The following SIPA1L1 variants were observed in gnomAD, a reference collection of about 807,000 sequenced individuals.
SIPA1L1 encodes the protein signal induced proliferation associated 1 like 1.
SIPA1L1 carries 26 observed loss-of-function variants against 162.7 expected under a neutral mutation model. The observed-to-expected ratio is 0.16, with a 90% CI of 0.12 to 0.22. The LOEUF (loss-of-function observed/expected upper bound fraction) is 0.22, where lower values mean the gene tolerates loss of function less well. SIPA1L1 is among the 10% of genes least tolerant of loss of function. SIPA1L1 has a pLI of 1.00. For missense variants in SIPA1L1, 1,874 were observed against 2,241.0 expected, an observed-to-expected ratio of 0.84 and a Z score of 3.31; for synonymous variants, 829 against 837.4, an observed-to-expected ratio of 0.99 and a Z score of 0.17.
intron 4 of SIPA1L1, among the ~76,000 whole-genome samples, chr14:71,567,976 T>A (rs1241478478): frequency 2.0e-5 from 3 of 152,224 alleles, no homozygotes; most frequent in Non-Finnish European, 4.4e-5. Flanking sequence ...AGCATGCTAA[T>A]GTATTATAAT....
intron 2 of SIPA1L1, among the ~76,000 whole-genome samples, chr14:71,342,340 C>G (rs1355378535): frequency 6.6e-6 from 1 of 152,094 alleles, no homozygotes. Flanking sequence ...TGGGTATATA[C>G]CTAGTAGTGG....
intron 2 of SIPA1L1, among the ~76,000 whole-genome samples, chr14:71,456,970 C>T (rs2046228971): frequency 6.6e-6 from 1 of 152,176 alleles, no homozygotes. Context: ...AAATTGAGGA[C>T]AAGGCCTTGC....
At chr14:71,590,042 AAAATATATATATATATAT>A (rs1169726741) in intron 5 of SIPA1L1, among the ~76,000 whole-genome samples, 1 of 61,546 alleles carries the variant, frequency 1.6e-5, no homozygotes, top group Non-Finnish European at 2.9e-5. Context: ...AAAAAAAAAA[AAAATATATATATATATAT>A]ATATATATAT....
chr14:71,643,789 A>G (rs2041926264), intron 7 of SIPA1L1, among the ~76,000 whole-genome samples: 1 of 152,206 alleles, frequency 6.6e-6, no homozygotes. Flanking sequence ...CCAAAACTCA[A>G]CAAGTGGTAG....
chr14:71,635,783 A>G (rs1235816951), intron 7 of SIPA1L1, among the ~76,000 whole-genome samples: 1 of 152,234 alleles, frequency 6.6e-6, no homozygotes, highest in African/African-American at 2.4e-5. Flanking sequence ...TAAAGGACAG[A>G]GATTGGTAGA....
intron 7 of SIPA1L1, among the ~76,000 whole-genome samples, chr14:71,625,306 T>C (rs185535949): frequency 6.6e-6 from 1 of 151,930 alleles, no homozygotes; most frequent in Non-Finnish European, 1.5e-5. Flanking sequence ...TCTTCTCTTT[T>C]TTTTTTTTTT....
At chr14:71,734,049 C>T (rs987621489) in intron 21 of SIPA1L1, among the ~76,000 whole-genome samples, 2 of 152,238 alleles carry the variant, frequency 1.3e-5, no homozygotes, top group Non-Finnish European at 2.9e-5. Flanking sequence ...TGCCTCGCCT[C>T]CTCCGTATAT....
Position 71,588,572 on chromosome 14 carries a change from T to C in SIPA1L1, c.700T>C (p.Ser234Pro). The change falls in exon 5 of 24, where the codon TCT becomes CCT. Residue 234 changes from serine (S) to proline (P), a missense_variant. Coordinates refer to ENST00000381232, the MANE Select transcript of SIPA1L1 (RefSeq NM_001386936.1). The surrounding 1 kb of genome is among the most constrained non-coding windows in gnomAD (Gnocchi z 4.3). ...DLLKGYKDDK[S>P]DRGPTPTKLS... The stretch of plus-strand genomic sequence containing the variant: ...GTTAAAGGGCTACAAAGATGACAAA[T>C]CTGATCGAGGTCCAACTCCAACCAA... The C allele has an allele frequency of 6.2e-7, 1 of 1,614,008 alleles. No individual in the cohort carries two copies. Among genetic ancestry groups the C allele is most frequent in the South Asian group, 1.1e-5 (1 of 91,090 alleles).
At chr14:71,366,374 G>A (rs2038295080) in intron 2 of SIPA1L1, among the ~76,000 whole-genome samples, 1 of 152,086 alleles carries the variant, frequency 6.6e-6, no homozygotes, top group South Asian at 2.1e-4. Flanking sequence ...AGTTTTTGGA[G>A]GTGCTGTAGT....
chr14:71,709,999 G>A (rs1305350146), intron 17 of SIPA1L1, among the ~76,000 whole-genome samples: 1 of 152,098 alleles, frequency 6.6e-6, no homozygotes, highest in Non-Finnish European at 1.5e-5. Context: ...ATGTATACTG[G>A]GACAAGCTTT....
chr14:71,616,015 C>G (rs1441148125), intron 5 of SIPA1L1, among the ~76,000 whole-genome samples: 1 of 151,946 alleles, frequency 6.6e-6, no homozygotes, highest in African/African-American at 2.4e-5. Context: ...ACATAAACAA[C>G]AACAAAACCA....
chr14:71,455,005 CA>C (rs1248233762), intron 2 of SIPA1L1, among the ~76,000 whole-genome samples: 11 of 152,276 alleles, frequency 7.2e-5, no homozygotes, highest in African/African-American at 2.6e-4. Context: ...TAATATTTGA[CA>C]GGGGCTGACA....
At chr14:71,571,647 T>TATTC (rs2032052508) in intron 4 of SIPA1L1, among the ~76,000 whole-genome samples, 1 of 151,894 alleles carries the variant, frequency 6.6e-6, no homozygotes, top group South Asian at 2.1e-4. Context: ...TTTATTTATT[T>TATTC]ATTTATTTAT....
At chr14:71,634,458 T>C (rs900853652) in intron 7 of SIPA1L1, among the ~76,000 whole-genome samples, 2 of 151,836 alleles carry the variant, frequency 1.3e-5, no homozygotes, top group African/African-American at 4.8e-5. Flanking sequence ...CACAGATTTT[T>C]TTTTTTTATC....
At chr14:71,648,489 A>G (rs536427588) in intron 7 of SIPA1L1, among the ~76,000 whole-genome samples, 195 of 152,326 alleles carry the variant, frequency 1.3e-3, no homozygotes, top group Non-Finnish European at 2.6e-3. Context: ...TGGAAAGCTG[A>G]AAATGGTAGT....
chr14:71,518,280 T>C (rs2051946972), intron 3 of SIPA1L1, among the ~76,000 whole-genome samples: 1 of 138,456 alleles, frequency 7.2e-6, no homozygotes, highest in Non-Finnish European at 1.6e-5. Flanking sequence ...GGAGACTGTC[T>C]CAAAAAAAAA....
intron 10 of SIPA1L1, among the ~76,000 whole-genome samples, chr14:71,667,883 G>A (rs1158959881): frequency 6.6e-6 from 1 of 152,116 alleles, no homozygotes; most frequent in East Asian, 1.9e-4. Flanking sequence ...GGCTAACACA[G>A]TGAAACCCTG....
chr14:71,470,848 G>A (rs1459395839), intron 2 of SIPA1L1, among the ~76,000 whole-genome samples: 1 of 151,556 alleles, frequency 6.6e-6, no homozygotes, highest in African/African-American at 2.4e-5. Context: ...GTTTTGTTTT[G>A]TTTTTTTAAG....
At chr14:71,370,884 G>A (rs553411985) in intron 2 of SIPA1L1, among the ~76,000 whole-genome samples, 61 of 152,142 alleles carry the variant, frequency 4.0e-4, no homozygotes, top group African/African-American at 1.4e-3. Flanking sequence ...TTTTTAAATA[G>A]TAATAATTTA....
Sources: gnomAD v4.1 joint callset for allele counts (sites outside exome capture counted in the v4.1 genomes callset) on GRCh38, gnomAD v4.1.1 for gene constraint, Gnocchi (gnomAD v3.1) non-coding constraint, MANE v1.5 for transcripts, NCBI Gene and HGNC (gene_info 2026-07-23, HGNC 2026-07-21) for gene names.